CFAP47: variants seen among roughly 807,000 people sequenced by gnomAD.
The protein encoded by CFAP47 is cilia and flagella associated protein 47, also known as cilia- and flagella-associated protein 47.
A neutral mutation model predicts 148.1 loss-of-function variants in CFAP47; 29 were observed. The ratio of observed to expected loss-of-function variants is 0.20; its 90% CI spans 0.15 to 0.27. The LOEUF is 0.27. CFAP47 is among the 10% of genes least tolerant of loss of function. CFAP47 has a pLI of 1.00. For missense variants in CFAP47, 1,872 were observed against 1,697.5 expected, an observed-to-expected ratio of 1.10 and a Z score of -1.81; for synonymous variants, 664 against 577.3, an observed-to-expected ratio of 1.15 and a Z score of -2.15.
At chrX:36,049,173 CT>C (rs373209998) in intron 26 of CFAP47, among the ~76,000 whole-genome samples, 8 of 107,815 alleles carry the variant, frequency 7.4e-5, no homozygotes, top group East Asian at 3.0e-4. Flanking sequence ...GGTTTTTTTT[CT>C]TTTTTTTTGT....
intron 57 of CFAP47, among the ~76,000 whole-genome samples, chrX:36,323,431 CT>C (rs1556012453): frequency 9.2e-6 from 1 of 109,150 alleles, no homozygotes; most frequent in Non-Finnish European, 1.9e-5. Context: ...AAGAAATATA[CT>C]TTTGTAAATG....
intron 8 of CFAP47, 29 bp downstream of exon 8, chrX:35,956,225 G>A (rs1410562689): frequency 1.9e-6 from 2 of 1,068,608 alleles, no homozygotes; most frequent in Admixed American, 2.2e-5. Context: ...GCGTTTACAT[G>A]GCAGCTAACA....
chrX:36,371,711 T>C lies in CFAP47; in HGVS notation c.9185+4584T>C, dbSNP rs5006772. 7.9e-3 allele frequency among the ~76,000 whole-genome samples: 420 copies of C among 53,381 alleles called. 19 individuals are homozygous for C. The highest frequency in any genetic ancestry group is 0.047 in the African/African-American group (333 of 7,131). The allele number at this position is 53,381 out of a possible 115,157, so 46.4% of individuals were successfully genotyped here. On this transcript the variant is annotated intron_variant, in intron 62 of 63. Coordinates refer to ENST00000378653, the MANE Select transcript of CFAP47 (RefSeq NM_001304548.2). ...GTGTATATACACACATGTGTATATA[T>C]GTGTGTATATACACACATGTGTGTA...
chrX:35,978,166 A>G (rs1936595227), intron 15 of CFAP47, among the ~76,000 whole-genome samples: 1 of 112,156 alleles, frequency 8.9e-6, no homozygotes, highest in Admixed American at 9.5e-5. Flanking sequence ...ACAGGTATCA[A>G]ACAGTGGTTG....
intron 36 of CFAP47, among the ~76,000 whole-genome samples, chrX:36,147,683 C>T (rs1485555243): frequency 8.9e-6 from 1 of 112,260 alleles, no homozygotes; most frequent in Non-Finnish European, 1.9e-5. Context: ...CTTAAAGAAA[C>T]TAAAGTTGGA....
At chrX:36,282,818 A>G (rs1272709480) in intron 50 of CFAP47, among the ~76,000 whole-genome samples, 1 of 111,935 alleles carries the variant, frequency 8.9e-6, no homozygotes, top group Non-Finnish European at 1.9e-5. Flanking sequence ...TTTTAAGAGA[A>G]CATTTATAGT....
At chrX:36,302,482 T>C (rs1049791961) in intron 53 of CFAP47, among the ~76,000 whole-genome samples, 1 of 111,956 alleles carries the variant, frequency 8.9e-6, no homozygotes, top group Admixed American at 9.5e-5. Context: ...AATATATGTA[T>C]GGTGATGATT....
chrX:36,136,638 A>C (rs1939049981), intron 33 of CFAP47, among the ~76,000 whole-genome samples: 1 of 111,001 alleles, frequency 9.0e-6, no homozygotes, highest in South Asian at 3.8e-4. Context: ...GAAGTGATGA[A>C]TATGTTAATT....
intron 60 of CFAP47, among the ~76,000 whole-genome samples, chrX:36,357,860 A>G (rs1330302445): frequency 3.6e-5 from 4 of 110,186 alleles, no homozygotes; most frequent in African/African-American, 1.3e-4. Context: ...TTATTTCCCA[A>G]TTGTTCTATA....
intron 57 of CFAP47, among the ~76,000 whole-genome samples, chrX:36,326,528 A>G (rs1941519536): frequency 8.9e-6 from 1 of 111,985 alleles, no homozygotes; most frequent in African/African-American, 3.2e-5. Context: ...TGGACAATGC[A>G]GTCCAGGCTG....
At chrX:35,925,306 C>T (rs918901394) in intron 1 of CFAP47, among the ~76,000 whole-genome samples, 7 of 110,367 alleles carry the variant, frequency 6.3e-5, no homozygotes, top group East Asian at 2.9e-4. Flanking sequence ...CCCCAGGGGG[C>T]GGAGCTTGCA....
At chrX:36,023,174 G>A (rs1937178718) in intron 22 of CFAP47, among the ~76,000 whole-genome samples, 1 of 112,331 alleles carries the variant, frequency 8.9e-6, no homozygotes, top group Admixed American at 9.4e-5. Context: ...GCTTTAGGGG[G>A]CACCCCAAGC....
In CFAP47 at chrX:36,039,157, A is replaced by T; in HGVS notation, c.3985A>T (p.Ile1329Phe). 1 of 1,063,109 alleles carries T rather than the reference A, an allele frequency of 9.4e-7. No individual in the cohort carries two copies. Among genetic ancestry groups the T allele is most frequent in the South Asian group, 2.3e-5 (1 of 43,486 alleles). The allele number at this position is 1,063,109 out of a possible 1,213,427, so 87.6% of individuals were successfully genotyped here. The change falls in exon 25 of 64, where the codon ATT becomes TTT. Residue 1329 changes from isoleucine (I) to phenylalanine (F), a missense_variant. Physicochemically the swap from Ile to Phe is conservative, Grantham distance 21. Coordinates refer to ENST00000378653, the MANE Select transcript of CFAP47 (RefSeq NM_001304548.2). ...TATAACAACTGTAATGGATATCAAC[A>T]TTTTACCTCAAAACTATTTCAGGTA... The part of the protein sequence containing the change: ...LDITTVMDIN[I>F]LPQNYFRNST...
chrX:35,922,438 C>T (rs1282987698), intron 1 of CFAP47, among the ~76,000 whole-genome samples: 1 of 112,518 alleles, frequency 8.9e-6, no homozygotes, highest in East Asian at 2.8e-4. Context: ...CACACATTTG[C>T]ATCTCACTAA....
chrX:36,260,377 C>T (rs782110870), intron 49 of CFAP47, among the ~76,000 whole-genome samples: 98 of 112,002 alleles, frequency 8.7e-4, no homozygotes, highest in Non-Finnish European at 1.5e-3. Flanking sequence ...TTCACAACCT[C>T]GCTAGCATCT....
Position 36,085,445 on chromosome X carries a change from G to T in CFAP47, c.4823G>T (p.Gly1608Val). ...LLHLSGKMPP[G>V]INSSQSLPVD... ...CATTTGAGTGGAAAAATGCCACCTG[G>T]AATTAATTCAAGTCAATCTTTACCT... Residue 1608 changes from glycine to valine, a missense_variant, in exon 30 of 64, where the codon GGA (glycine) becomes GTA (valine). Gly to Val is a moderately radical substitution (Grantham distance 109). Coordinates refer to ENST00000378653, the MANE Select transcript of CFAP47 (RefSeq NM_001304548.2). 8.3e-7 allele frequency: 1 copy of T among 1,205,000 alleles called. No individual in the cohort carries two copies.
At chrX:36,106,372 A>G (rs768482462) in intron 33 of CFAP47, among the ~76,000 whole-genome samples, 1 of 112,083 alleles carries the variant, frequency 8.9e-6, no homozygotes, top group Non-Finnish European at 1.9e-5. Context: ...AATAACAGAC[A>G]CATACTGTCT....
At chrX:36,068,345 C>T (rs1463322757) in intron 27 of CFAP47, among the ~76,000 whole-genome samples, 1 of 112,124 alleles carries the variant, frequency 8.9e-6, no homozygotes, top group Non-Finnish European at 1.9e-5. Context: ...CTAAATGTTG[C>T]TATCTATAAA....
rs146076625 is a variant in CFAP47 at position 36,265,415 on chromosome X, G to A, written c.7444+13971G>A. On this transcript the variant is annotated intron_variant, in intron 49 of 63. Coordinates refer to ENST00000378653, the MANE Select transcript of CFAP47 (RefSeq NM_001304548.2). ...CTTTATTTCTTTATCTTGTTTGATT[G>A]CTCTGGCTAGGACTTCCAGTATTAT... 2.1e-3 allele frequency among the ~76,000 whole-genome samples: 230 copies of A among 111,702 alleles called. 1 individual carries two copies. The highest frequency in any genetic ancestry group is 7.0e-3 in the African/African-American group (215 of 30,725).
Sources: gnomAD v4.1 joint callset for allele counts (sites outside exome capture counted in the v4.1 genomes callset) on GRCh38, gnomAD v4.1.1 for gene constraint, MANE v1.5 for transcripts, NCBI Gene and HGNC (gene_info 2026-07-23, HGNC 2026-07-21) for gene names.